RELL1: variants seen among roughly 807,000 people sequenced by gnomAD.
The protein encoded by RELL1 is RELT like 1.
A neutral mutation model predicts 23.0 loss-of-function variants in RELL1; 10 were observed. The ratio of observed to expected loss-of-function variants is 0.43; its 90% CI spans 0.27 to 0.74. RELL1 has a LOEUF of 0.74. RELL1 is among the 30% of genes least tolerant of loss of function. The pLI, the probability that RELL1 is intolerant of heterozygous loss-of-function variation, is 0.19. For synonymous variants in RELL1, 146 were observed against 146.8 expected (o/e 0.99, Z 0.04); for missense variants, 315 against 364.4 (o/e 0.86, Z 1.10).
intron 1 of RELL1, among the ~76,000 whole-genome samples, chr4:37,667,715 T>G (rs538519680): frequency 6.7e-6 from 1 of 150,268 alleles, no homozygotes; most frequent in African/African-American, 2.5e-5. Context: ...AAAAGTTACG[T>G]TCTTTCCAAG....
At chr4:37,642,243 CT>C (rs1720555714) in intron 3 of RELL1, among the ~76,000 whole-genome samples, 1 of 152,242 alleles carries the variant, frequency 6.6e-6, no homozygotes, top group Non-Finnish European at 1.5e-5. Flanking sequence ...ACAAAGGCAT[CT>C]CTTGCCTAGG....
At chr4:37,595,566 G>C (rs935577809) in intron 6 of RELL1, among the ~76,000 whole-genome samples, 39 of 57,420 alleles carry the variant, frequency 6.8e-4, no homozygotes, top group Non-Finnish European at 2.1e-3. Context: ...GATTGTGCTG[G>C]ATTGTGACAT....
downstream of RELL1, among the ~76,000 whole-genome samples, chr4:37,589,759 G>A (rs1360723804): frequency 1.3e-5 from 2 of 152,128 alleles, no homozygotes; most frequent in Non-Finnish European, 2.9e-5. Context: ...AGCCTCCCGA[G>A]TAGCTGGGAT....
At chr4:37,676,389 T>C (rs1722025485) in intron 1 of RELL1, among the ~76,000 whole-genome samples, 1 of 152,182 alleles carries the variant, frequency 6.6e-6, no homozygotes, top group South Asian at 2.1e-4. Context: ...TATAAAGTAC[T>C]ATAAAATCAG....
chr4:37,643,284 T>C (rs1255235706), intron 3 of RELL1, among the ~76,000 whole-genome samples: 1 of 152,232 alleles, frequency 6.6e-6, no homozygotes, highest in Non-Finnish European at 1.5e-5. Context: ...AAAGTGTGTT[T>C]GCCCAGCAGG....
intron 6 of RELL1, among the ~76,000 whole-genome samples, chr4:37,617,652 G>A (rs1184247377): frequency 1.3e-5 from 2 of 152,084 alleles, no homozygotes; most frequent in African/African-American, 2.4e-5. Context: ...GCATGATGAC[G>A]CATGCCTGTA....
intron 1 of RELL1, among the ~76,000 whole-genome samples, chr4:37,674,809 A>G (rs1257920212): frequency 2.6e-5 from 4 of 152,208 alleles, no homozygotes; most frequent in Non-Finnish European, 4.4e-5. Context: ...TAATGTTTAC[A>G]TCTACGCATG....
In RELL1 at chr4:37,680,931, C is replaced by CAAA. The variant is rs397992973; in HGVS notation, c.88+5266_88+5268dup. On this transcript the variant is annotated intron_variant, in intron 1 of 6. Transcript: ENST00000454158. ...TGGGTGACAGAGCAACACTCCATCTCAAAAAAAAAAAAAAAAAAAAAATGC... is the reference window on the plus strand; with the variant it reads ...TGGGTGACAGAGCAACACTCCATCTCAAAAAAAAAAAAAAAAAAAAAAAAATGC... Among the ~76,000 whole-genome samples the CAAA allele has an allele frequency of 1.1e-3, 78 of 73,588 alleles. 1 individual carries two copies. In the South Asian group the frequency reaches 0.023, roughly 21 times the overall value. The allele number at this position is 73,588 out of a possible 152,430, so 48.3% of individuals were successfully genotyped here. A position where few individuals can be genotyped will look rare whatever the true frequency, so the allele number is the denominator to read the frequency against.
intron 1 of RELL1, among the ~76,000 whole-genome samples, chr4:37,669,092 T>A (rs865942494): frequency 2.2e-5 from 2 of 89,622 alleles, no homozygotes; most frequent in African/African-American, 5.9e-5. Flanking sequence ...CCGCCCCGTC[T>A]GGGAGGTGAG....
chr4:37,593,306 G>T (rs1301351211), intron 6 of RELL1, among the ~76,000 whole-genome samples: 1 of 152,040 alleles, frequency 6.6e-6, no homozygotes, highest in Non-Finnish European at 1.5e-5. Context: ...ATCCAGGGTG[G>T]TAGAGAATGT....
At chr4:37,645,860 G>A (rs1577586688) in intron 3 of RELL1, among the ~76,000 whole-genome samples, 1 of 152,222 alleles carries the variant, frequency 6.6e-6, no homozygotes. Context: ...CGAAACTGCT[G>A]TTTCTCTAAG....
In RELL1 at chr4:37,634,086, A is replaced by G. The variant is rs111255139; in HGVS notation, c.680+801T>C. ...AGTTCCTGCATGGGACTCAGCATCT[A>G]ACAGCAGAACTGCAAAAGCATCCCA... On this transcript the variant is annotated intron_variant, in intron 5 of 6. Transcript: ENST00000454158. Among the ~76,000 whole-genome samples, 274 of 152,370 alleles carry G rather than the reference A, an allele frequency of 1.8e-3. 3 individuals carry two copies. Among genetic ancestry groups the G allele is most frequent in the African/African-American group, 6.3e-3 (264 of 41,586 alleles).
chr4:37,625,586 A>C (rs1283886129), intron 6 of RELL1, among the ~76,000 whole-genome samples: 1 of 152,228 alleles, frequency 6.6e-6, no homozygotes, highest in Non-Finnish European at 1.5e-5. Flanking sequence ...TGGTCAAAGG[A>C]CATAAAATTT....
intron 1 of RELL1, among the ~76,000 whole-genome samples, chr4:37,668,361 C>G (rs928279585): frequency 6.6e-6 from 1 of 152,200 alleles, no homozygotes. Context: ...GATTGTAGGC[C>G]CGCGCCGCCA....
intron 3 of RELL1, among the ~76,000 whole-genome samples, chr4:37,641,837 A>G (rs1413922222): frequency 1.3e-5 from 2 of 152,244 alleles, no homozygotes; most frequent in Non-Finnish European, 2.9e-5. Context: ...AAGCGCCGGC[A>G]CGTGCCAGTC....
intron 1 of RELL1, among the ~76,000 whole-genome samples, chr4:37,668,816 T>C (rs1278610120): frequency 2.0e-4 from 28 of 139,554 alleles, no homozygotes; most frequent in Admixed American, 1.3e-3. Context: ...GTGAGGAGCG[T>C]CTCTCCCCGG....
At chr4:37,590,611 C>T (rs776161268), downstream of RELL1, 4 of 1,614,092 alleles carry the variant, frequency 2.5e-6, no homozygotes, top group South Asian at 4.4e-5. Context: ...GATACCAGCC[C>T]CAGATTACCT....
chr4:37,664,299 C>G (rs951029476), intron 1 of RELL1, among the ~76,000 whole-genome samples: 1 of 151,838 alleles, frequency 6.6e-6, no homozygotes, highest in Non-Finnish European at 1.5e-5. Context: ...TTGCTTGAAC[C>G]CGGGTTGAAC....
exon 7 of RELL1, chr4:37,591,028 C>T (rs1422692149): frequency 6.4e-7 from 1 of 1,564,988 alleles, no homozygotes; most frequent in East Asian, 2.2e-5. Context: ...GGGAGGTAAG[C>T]TGGTGTCATG....
Sources: allele counts gnomAD v4.1 joint callset (sites outside exome capture counted in the v4.1 genomes callset), GRCh38; gene constraint gnomAD v4.1.1; transcripts MANE v1.5; gene names NCBI Gene and HGNC (gene_info 2026-07-23, HGNC 2026-07-21).